Variants in HERC1 observed in about 807,000 individuals in gnomAD.
HERC1 encodes probable E3 ubiquitin-protein ligase HERC1.
A neutral mutation model predicts 554.3 loss-of-function variants in HERC1; 160 were observed. The ratio of observed to expected loss-of-function variants is 0.29; its 90% confidence interval spans 0.25 to 0.33. The LOEUF (loss-of-function observed/expected upper bound fraction) is 0.33, where lower values mean the gene tolerates loss of function less well. Among genes scored for constraint, HERC1 ranks in the 10% least tolerant of loss-of-function variants. HERC1 has a pLI of 1.00. For missense variants in HERC1, 4,919 were observed against 5,918.5 expected (o/e 0.83, Z 5.54); for synonymous variants, 2,175 against 2,131.7 (o/e 1.02, Z -0.56).
At position 63,734,569 on chromosome 15, in the gene HERC1, G is replaced by C; in HGVS notation, c.2646+155C>G. The C allele has an allele frequency of 1.9e-6, 1 of 518,578 alleles. No homozygotes were observed. Among genetic ancestry groups the C allele is most frequent in the South Asian group, 4.0e-5 (1 of 25,030 alleles). The allele number at this position is 518,578 out of a possible 1,614,324, so 32.1% of individuals were successfully genotyped here. A position where few individuals can be genotyped will look rare whatever the true frequency, so the allele number is the denominator to read the frequency against. On this transcript the variant is annotated intron_variant, in intron 13 of 77. Transcript: ENST00000443617. This position sits in a 1 kb window ranked among gnomAD's most constrained non-coding sequence, Gnocchi z 4.6. ...TAAATTATCACTTGCTTCACCTAAG[G>C]TTGTTAAGACAACTGGGAATTCTTC...
chr15:63,652,690 T>C, intron 51 of HERC1, 149 bp from the exon 52 acceptor site: 1 of 646,944 alleles, frequency 1.5e-6, no homozygotes, highest in South Asian at 2.0e-5. Context: ...TCTTGCTCTG[T>C]TGCCCAGACT....
chr15:63,737,356 T>C (rs1330192715), intron 12 of HERC1, among the ~76,000 whole-genome samples: 4 of 144,546 alleles, frequency 2.8e-5, no homozygotes, highest in Admixed American at 1.4e-4. Flanking sequence ...TCCAGATATA[T>C]ATATATCTTT....
intron 16 of HERC1, among the ~76,000 whole-genome samples, chr15:63,728,879 C>A (rs188832550): frequency 7.2e-6 from 1 of 138,444 alleles, no homozygotes; most frequent in East Asian, 2.0e-4. Flanking sequence ...GAAAGAATTT[C>A]AAGAAGGAAA....
intron 40 of HERC1, 129 bp from the exon 41 acceptor site, chr15:63,666,601 G>A: frequency 1.6e-6 from 1 of 616,454 alleles, no homozygotes; most frequent in South Asian, 2.1e-5. Flanking sequence ...CAGAATATGT[G>A]GCTGGGCACT....
rs535005979 is a variant in HERC1 at position 63,800,773 on chromosome 15, T to C, written c.-26-25124A>G. Among the ~76,000 whole-genome samples, 54 of 152,312 alleles carry C rather than the reference T, an allele frequency of 3.5e-4. No homozygotes were observed. In the South Asian group the frequency reaches 4.6e-3, roughly 13 times the overall value. On this transcript the variant is annotated intron_variant, in intron 1 of 77. Transcript: ENST00000443617. ...CCTTTGTGATAGGGGAATAGGAGCA[T>C]CTTTTGTTATTCGTAACAAGCCCCT...
rs904781207 is a variant in HERC1 at position 63,619,325 on chromosome 15, C to T, written c.13689-2643G>A. ...ATTGATTTTCGTATGTTGAACCAGC[C>T]TTGCATCCCAGGGATGAAGCCCACT... is the stretch of plus-strand genomic sequence containing the variant. On this transcript the variant is annotated intron_variant, in intron 74 of 77. Transcript: ENST00000443617. Among the ~76,000 whole-genome samples, 3 of 152,326 alleles carry T rather than the reference C, an allele frequency of 2.0e-5. No homozygotes were observed. In the South Asian group the frequency reaches 6.2e-4, roughly 32 times the overall value.
chr15:63,652,042 G>GA (rs960389305), intron 52 of HERC1, among the ~76,000 whole-genome samples: 4 of 151,106 alleles, frequency 2.6e-5, no homozygotes, highest in Non-Finnish European at 4.4e-5. Flanking sequence ...TCTCAAAAAA[G>GA]AAAAAAACAA....
intron 21 of HERC1, among the ~76,000 whole-genome samples, chr15:63,717,591 C>T (rs1228455826): frequency 1.3e-5 from 2 of 152,172 alleles, no homozygotes; most frequent in Non-Finnish European, 2.9e-5. Context: ...AGGTGGCTCA[C>T]GCCTATAATC....
chr15:63,674,577 A>C lies in HERC1; in HGVS notation c.7611T>G (p.Val2537=). ...KYAELLLIPK[V]LAENGHNSDC... ...CTGAGTTGTGGCCATTTTCAGCCAG[A>C]ACTTTTGGTATCAGCAACAGCTCAG... The change falls in exon 38 of 78, where the codon GTT becomes GTG. Residue 2537 remains valine (V), a synonymous_variant. Coordinates refer to ENST00000443617, the MANE Select transcript of HERC1 (RefSeq NM_003922.4). The C allele has an allele frequency of 6.2e-7, 1 of 1,612,574 alleles. No individual in the cohort carries two copies. The highest frequency in any genetic ancestry group is 8.5e-7 in the Non-Finnish European group (1 of 1,179,200).
chr15:63,758,178 C>T lies in HERC1; in HGVS notation c.1218G>A (p.Gln406=). 1 of 1,596,004 alleles carries T rather than the reference C, an allele frequency of 6.3e-7. No homozygotes were observed. Among genetic ancestry groups the T allele is most frequent in the Non-Finnish European group, 8.6e-7 (1 of 1,165,338 alleles). ...PKLAPSFSDA[Q]TIEAGQYCTF... is the part of the protein sequence containing the mutation. ...GTAAGCTATTTAGAAAACTTACGGT[C>T]TGTGCATCAGAGAAACTAGGAGCCA... Residue 406 remains glutamine, a synonymous_variant, in exon 4 of 78, where the codon CAG becomes CAA. Transcript: ENST00000443617. This position sits in a 1 kb window ranked among gnomAD's most constrained non-coding sequence, Gnocchi z 4.0.
At chr15:63,809,652 G>T (rs1010510765) in intron 1 of HERC1, among the ~76,000 whole-genome samples, 1 of 152,136 alleles carries the variant, frequency 6.6e-6, no homozygotes, top group Non-Finnish European at 1.5e-5. Context: ...GTACGGAGTT[G>T]AATTTTAAGG....
At chr15:63,619,606 G>A (rs904564798) in intron 74 of HERC1, among the ~76,000 whole-genome samples, 1 of 152,168 alleles carries the variant, frequency 6.6e-6, no homozygotes, top group Non-Finnish European at 1.5e-5. Flanking sequence ...GTAGAAGTTG[G>A]CTGTGAATCC....
chr15:63,789,078 G>GTTTTTTTTTTT (rs71131178), intron 1 of HERC1, among the ~76,000 whole-genome samples: 1 of 83,604 alleles, frequency 1.2e-5, no homozygotes. Context: ...GGAATAAAAG[G>GTTTTTTTTTTT]TTTTTTTTTT....
chr15:63,820,582 T>C (rs2145707449), intron 1 of HERC1, among the ~76,000 whole-genome samples: 1 of 152,344 alleles, frequency 6.6e-6, no homozygotes, highest in Admixed American at 6.5e-5. Flanking sequence ...GACTAAGGTC[T>C]TAAAATACGG....
chr15:63,632,930 G>C (rs1272626594), intron 67 of HERC1, 119 bp from the exon 68 acceptor site: 8 of 673,456 alleles, frequency 1.2e-5, no homozygotes, highest in Non-Finnish European at 2.0e-5. Context: ...TCACTTACCT[G>C]TTCGACCCAA....
intron 19 of HERC1, among the ~76,000 whole-genome samples, chr15:63,720,774 T>A (rs2073785183): frequency 6.6e-6 from 1 of 152,126 alleles, no homozygotes; most frequent in Admixed American, 6.5e-5. Context: ...CCAACAAGAC[T>A]CCATTTCAAG....
intron 18 of HERC1, 58 bp downstream of exon 18, chr15:63,725,234 A>G: frequency 4.2e-6 from 6 of 1,443,012 alleles, no homozygotes; most frequent in Non-Finnish European, 5.7e-6. Flanking sequence ...GAATAGAGAA[A>G]TCTCCAACTG....
chr15:63,735,149 A>G (rs974346978), intron 12 of HERC1, among the ~76,000 whole-genome samples: 1 of 152,166 alleles, frequency 6.6e-6, no homozygotes, highest in Admixed American at 6.5e-5. Flanking sequence ...AAGACAGACA[A>G]AATCTCTGCT....
At chr15:63,755,969 C>A (rs2075408682) in intron 5 of HERC1, among the ~76,000 whole-genome samples, 1 of 152,182 alleles carries the variant, frequency 6.6e-6, no homozygotes, top group Non-Finnish European at 1.5e-5. Flanking sequence ...TCTGACCTAC[C>A]TCATTACCTA....
Sources: gnomAD v4.1 joint callset for allele counts (sites outside exome capture counted in the v4.1 genomes callset) on GRCh38, gnomAD v4.1.1 for gene constraint, Gnocchi (gnomAD v3.1) non-coding constraint, MANE v1.5 for transcripts, NCBI Gene and HGNC (gene_info 2026-07-23, HGNC 2026-07-21) for gene names.